The following ADAMTSL1 variants were observed in gnomAD, a reference collection of about 807,000 sequenced individuals.
ADAMTSL1 encodes ADAMTS-like protein 1.
In ADAMTSL1, 126 loss-of-function variants were observed where a neutral mutation model predicts 201.8. The observed-to-expected ratio is 0.62, with a 90% CI of 0.54 to 0.72. The LOEUF is 0.72. ADAMTSL1 is among the 30% of genes least tolerant of loss of function. The pLI is 0.00. For missense variants in ADAMTSL1, 2,679 were observed against 2,277.8 expected (o/e 1.18, Z -3.59); for synonymous variants, 1,121 against 903.4 (o/e 1.24, Z -4.32).
chr9:18,796,369 T>C (rs1190789949), intron 20 of ADAMTSL1, among the ~76,000 whole-genome samples: 3 of 152,100 alleles, frequency 2.0e-5, no homozygotes, highest in African/African-American at 7.2e-5. Flanking sequence ...TCTGAGAAAA[T>C]AGGATCCATC....
intron 2 of ADAMTSL1, among the ~76,000 whole-genome samples, chr9:18,305,703 G>A (rs745398637): frequency 6.6e-5 from 10 of 152,220 alleles, no homozygotes; most frequent in African/African-American, 1.7e-4. Flanking sequence ...TGCAGCAGCC[G>A]CAGTCAGGGG....
At chr9:18,312,780 C>T (rs980992801) in intron 2 of ADAMTSL1, among the ~76,000 whole-genome samples, 1 of 152,192 alleles carries the variant, frequency 6.6e-6, no homozygotes. Flanking sequence ...CAAAAACTCT[C>T]TGCAAAGATG....
intron 1 of ADAMTSL1, among the ~76,000 whole-genome samples, chr9:17,907,885 T>C (rs1825785769): frequency 6.6e-6 from 1 of 152,196 alleles, no homozygotes; most frequent in Admixed American, 6.5e-5. Flanking sequence ...ACAGGATTAC[T>C]TGGGTAATTC....
intron 26 of ADAMTSL1, among the ~76,000 whole-genome samples, chr9:18,894,998 TAAAC>T (rs1829531594): frequency 6.6e-6 from 1 of 152,156 alleles, no homozygotes; most frequent in South Asian, 2.1e-4. Context: ...TCCAACAGAA[TAAAC>T]AAAATACAAA....
At chr9:17,985,436 G>A (rs1054972126) in intron 1 of ADAMTSL1, among the ~76,000 whole-genome samples, 24 of 152,130 alleles carry the variant, frequency 1.6e-4, no homozygotes, top group African/African-American at 5.5e-4. Context: ...AATTTAAATA[G>A]GCAGATTTAA....
chr9:18,709,856 A>T (rs1280796402), intron 14 of ADAMTSL1, among the ~76,000 whole-genome samples: 1 of 152,168 alleles, frequency 6.6e-6, no homozygotes, highest in Non-Finnish European at 1.5e-5. Context: ...CTTCAGCAAA[A>T]ATGGAAGATG....
intron 13 of ADAMTSL1, among the ~76,000 whole-genome samples, chr9:18,699,482 A>C (rs1381099026): frequency 6.6e-6 from 1 of 151,520 alleles, no homozygotes; most frequent in Non-Finnish European, 1.5e-5. Context: ...GTGCTACCAG[A>C]CTCAGCTAAC....
intron 15 of ADAMTSL1, among the ~76,000 whole-genome samples, chr9:18,735,171 G>C (rs1158897409): frequency 6.6e-6 from 1 of 152,170 alleles, no homozygotes; most frequent in Non-Finnish European, 1.5e-5. Context: ...AGAAGACAGG[G>C]AAATGTATTT....
At chr9:18,672,879 T>G (rs1829906522) in intron 9 of ADAMTSL1, among the ~76,000 whole-genome samples, 1 of 140,396 alleles carries the variant, frequency 7.1e-6, no homozygotes, top group South Asian at 2.4e-4. Context: ...CACTTGCTCA[T>G]GCTCACCTTC....
chr9:18,853,166 G>A (rs1826608100), intron 23 of ADAMTSL1, among the ~76,000 whole-genome samples: 2 of 152,108 alleles, frequency 1.3e-5, no homozygotes, highest in Admixed American at 1.3e-4. Flanking sequence ...CAACAGATGG[G>A]GATTAGACAG....
chr9:18,549,376 A>G (rs369366664), intron 3 of ADAMTSL1, among the ~76,000 whole-genome samples: 3 of 151,972 alleles, frequency 2.0e-5, no homozygotes, highest in Non-Finnish European at 2.9e-5. Flanking sequence ...CTCAACTTTC[A>G]GTGAAGAGTG....
At chr9:17,947,310 C>CT (rs1421693825) in intron 1 of ADAMTSL1, among the ~76,000 whole-genome samples, 18 of 94,840 alleles carry the variant, frequency 1.9e-4, no homozygotes, top group East Asian at 1.5e-3. Flanking sequence ...CTTATACACA[C>CT]ATACACACAC....
chr9:18,376,327 G>T (rs1418466048), intron 2 of ADAMTSL1, among the ~76,000 whole-genome samples: 3 of 152,178 alleles, frequency 2.0e-5, no homozygotes, highest in Admixed American at 6.5e-5. Flanking sequence ...AGATTGCAAG[G>T]AAATGTCAAG....
At chr9:18,654,730 C>G (rs542639928) in intron 7 of ADAMTSL1, among the ~76,000 whole-genome samples, 46 of 152,342 alleles carry the variant, frequency 3.0e-4, no homozygotes, top group African/African-American at 1.1e-3. Flanking sequence ...CTGTCAACTA[C>G]CAGAACAGCC....
chr9:18,250,582 C>T (rs970817781), intron 2 of ADAMTSL1, among the ~76,000 whole-genome samples: 2 of 152,062 alleles, frequency 1.3e-5, no homozygotes, highest in South Asian at 2.1e-4. Context: ...ATCCCCTCCC[C>T]TCAAAGAGCA....
chr9:18,594,521 C>T (rs1360712477), intron 4 of ADAMTSL1, among the ~76,000 whole-genome samples: 1 of 152,038 alleles, frequency 6.6e-6, no homozygotes, highest in Non-Finnish European at 1.5e-5. Flanking sequence ...TTCATTCTTT[C>T]TTTTCTGACT....
At chr9:18,738,106 T>G (rs1040232342) in intron 15 of ADAMTSL1, among the ~76,000 whole-genome samples, 2 of 152,182 alleles carry the variant, frequency 1.3e-5, no homozygotes, top group Non-Finnish European at 2.9e-5. Flanking sequence ...ATTTGAGTGT[T>G]TCAGTTGCTA....
chr9:18,377,784 T>A (rs941401756), intron 2 of ADAMTSL1, among the ~76,000 whole-genome samples: 15 of 152,170 alleles, frequency 9.9e-5, no homozygotes, highest in Admixed American at 4.6e-4. Context: ...GCCAGGCTGG[T>A]CTTGAACTCC....
chr9:18,663,247 C>A (rs1829217262), intron 9 of ADAMTSL1, among the ~76,000 whole-genome samples: 2 of 152,070 alleles, frequency 1.3e-5, no homozygotes, highest in Admixed American at 6.6e-5. Context: ...TCACAGGAAC[C>A]ATATTCCCTA....
Sources: gnomAD v4.1 joint callset for allele counts (sites outside exome capture counted in the v4.1 genomes callset) on GRCh38, gnomAD v4.1.1 for gene constraint, MANE v1.5 for transcripts, NCBI Gene and HGNC (gene_info 2026-07-23, HGNC 2026-07-21) for gene names.